The following NME5 variants were observed in gnomAD, a reference collection of about 807,000 sequenced individuals.
NME5 encodes the protein nucleoside diphosphate kinase 5.
NME5 carries 18 observed loss-of-function variants against 21.6 expected under a neutral mutation model. The ratio of observed to expected loss-of-function variants is 0.83; its 90% confidence interval spans 0.58 to 1.24. The LOEUF (loss-of-function observed/expected upper bound fraction) is 1.24, where lower values mean the gene tolerates loss of function less well. NME5 is among the 50% of genes most tolerant of loss of function. NME5 has a pLI of 0.00. For missense variants in NME5, 223 were observed against 255.4 expected (o/e 0.87, Z 0.86); for synonymous variants, 70 against 80.6 (o/e 0.87, Z 0.71).
chr5:138,138,682 A>AAT lies in NME5; in HGVS notation c.97_98dup (p.Ile34LeufsTer38). On this transcript the variant is annotated frameshift_variant, in exon 2 of 6. Coordinates refer to ENST00000265191, the MANE Select transcript of NME5 (RefSeq NM_003551.3). LOFTEE classifies it high-confidence loss of function. ...CAATGGTGAATCCGGATCTAAGAAT[A>AAT]ATATCTTGTATCTCCTCCTCTTTGT... 1 of 1,612,598 alleles carries AAT rather than the reference A, an allele frequency of 6.2e-7. No homozygotes were observed. The highest frequency in any genetic ancestry group is 8.5e-7 in the Non-Finnish European group (1 of 1,179,502).
Position 138,118,896 on chromosome 5 carries a change from G to C in NME5, c.477C>G (p.Asp159Glu). 1.9e-6 allele frequency: 3 copies of C among 1,613,108 alleles called. No individual in the cohort carries two copies. The highest frequency in any genetic ancestry group is 2.5e-6 in the Non-Finnish European group (3 of 1,179,178). The change falls in exon 5 of 6, where the codon GAC becomes GAG. Residue 159 changes from aspartate (D) to glutamate (E), a missense_variant. Transcript: ENST00000265191. ...TTGGCATTATATGTAAATTTAAATA[G>C]TCCTTAGCAGCTTGTCCAATTGGAA... ...EPIPIGQAAK[D>E]YLNLHIMPTL... is the part of the protein sequence containing the mutation.
intron 5 of NME5, chr5:138,116,782 C>T (rs1751166554): frequency 1.3e-5 from 2 of 153,760 alleles, no homozygotes; most frequent in South Asian, 4.1e-4. Flanking sequence ...GGAGAAAGAA[C>T]AGTCTCTTCA....
At chr5:138,124,237 A>T (rs1487317351) in intron 4 of NME5, among the ~76,000 whole-genome samples, 3 of 151,854 alleles carry the variant, frequency 2.0e-5, no homozygotes, top group African/African-American at 4.8e-5. Context: ...TCCTGACCTC[A>T]GGTGATCTGC....
At chr5:138,126,624 T>G (rs1021289916) in intron 4 of NME5, among the ~76,000 whole-genome samples, 19 of 150,948 alleles carry the variant, frequency 1.3e-4, no homozygotes, top group African/African-American at 4.4e-4. Context: ...CTATTTAAGA[T>G]AAAATGAAAT....
At position 138,115,621 on chromosome 5, in the gene NME5, T is replaced by A. The variant is rs891074354; in HGVS notation, c.*60A>T. On this transcript the variant is annotated 3_prime_UTR_variant, in exon 6 of 6. Transcript: ENST00000265191. Reference sequence around the variant, plus strand: ...CCCTAGAAATAATTTTTTCAAACAGTAGAAGTACAGCCTTTTATAATAAGA... The same window carrying A: ...CCCTAGAAATAATTTTTTCAAACAGAAGAAGTACAGCCTTTTATAATAAGA... The A allele has an allele frequency of 9.7e-7, 1 of 1,028,010 alleles. No individual in the cohort carries two copies. The highest frequency in any genetic ancestry group is 1.4e-6 in the Non-Finnish European group (1 of 708,184). The allele number at this position is 1,028,010 out of a possible 1,614,324, so 63.7% of individuals were successfully genotyped here. A position where few individuals can be genotyped will look rare whatever the true frequency, so the allele number is the denominator to read the frequency against.
rs534481100 is a variant in NME5 at position 138,138,995 on chromosome 5, C to A, written c.-5-210G>T. On this transcript the variant is annotated intron_variant, in intron 1 of 5. Coordinates refer to ENST00000265191, the MANE Select transcript of NME5 (RefSeq NM_003551.3). ...GATTCCTACTATGTCCAAATCGAGC[C>A]CCGGCTTTTCGTATACGATGTCACC... 6 of 428,230 alleles carry A rather than the reference C, an allele frequency of 1.4e-5. No homozygotes were observed. The South Asian group carries it at 1.9e-4, about 14-fold the overall frequency. The allele number at this position is 428,230 out of a possible 1,614,324, so 26.5% of individuals were successfully genotyped here. A position where few individuals can be genotyped will look rare whatever the true frequency, so the allele number is the denominator to read the frequency against.
intron 5 of NME5, among the ~76,000 whole-genome samples, chr5:138,118,282 C>T (rs929505596): frequency 7.3e-5 from 11 of 151,008 alleles, no homozygotes; most frequent in African/African-American, 1.9e-4. Context: ...CCCACCACCA[C>T]GCCCGGCTAA....
intron 2 of NME5, 196 bp downstream of exon 2, chr5:138,138,456 G>A (rs1375222062): frequency 2.1e-6 from 1 of 481,834 alleles, no homozygotes; most frequent in Non-Finnish European, 3.6e-6. Context: ...AAAGAGGACA[G>A]GTGAAGGAAA....
chr5:138,137,100 G>A (rs1317796750), intron 2 of NME5, among the ~76,000 whole-genome samples: 1 of 142,794 alleles, frequency 7.0e-6, no homozygotes, highest in African/African-American at 2.6e-5. Flanking sequence ...TAGATCTCAG[G>A]TTTATTTGGA....
chr5:138,121,660 C>A (rs1751288239), intron 4 of NME5, among the ~76,000 whole-genome samples: 1 of 152,090 alleles, frequency 6.6e-6, no homozygotes, highest in Admixed American at 6.6e-5. Context: ...ATATGTGTAT[C>A]TTTATATCAC....
At chr5:138,116,830 A>T (rs1379555675) in intron 5 of NME5, 2 of 153,772 alleles carry the variant, frequency 1.3e-5, no homozygotes, top group Non-Finnish European at 2.9e-5. Context: ...CCACATGCAA[A>T]TGAATAAAGT....
chr5:138,131,204 TAAAAAAAAAAAAA>T (rs762579967), intron 2 of NME5, among the ~76,000 whole-genome samples: 1 of 80,876 alleles, frequency 1.2e-5, no homozygotes, highest in Non-Finnish European at 2.2e-5. Flanking sequence ...CCGTCTCTGC[TAAAAAAAAAAAAA>T]AAAAAAAAAA....
chr5:138,135,220 A>G (rs187780120), intron 2 of NME5, among the ~76,000 whole-genome samples: 82 of 143,838 alleles, frequency 5.7e-4, no homozygotes, highest in Admixed American at 4.6e-3. Flanking sequence ...CGGGAGGCTG[A>G]GGCAGGAGAA....
intron 4 of NME5, among the ~76,000 whole-genome samples, chr5:138,126,682 T>C (rs1180450840): frequency 6.6e-6 from 1 of 152,036 alleles, no homozygotes; most frequent in African/African-American, 2.4e-5. Context: ...GCATGATGGT[T>C]CATGCCTATA....
intron 4 of NME5, among the ~76,000 whole-genome samples, chr5:138,120,675 G>C (rs894359556): frequency 6.6e-6 from 1 of 152,134 alleles, no homozygotes; most frequent in African/African-American, 2.4e-5. Context: ...CAGTTACAAA[G>C]ATTTTCTTGT....
At chr5:138,128,969 C>G (rs1396029249) in intron 3 of NME5, among the ~76,000 whole-genome samples, 1 of 152,014 alleles carries the variant, frequency 6.6e-6, no homozygotes, top group East Asian at 1.9e-4. Context: ...CCAATTTTTC[C>G]ATCTAAAAAT....
chr5:138,129,132 C>A (rs1751498663), intron 3 of NME5, 131 bp downstream of exon 3: 2 of 685,644 alleles, frequency 2.9e-6, no homozygotes, highest in Non-Finnish European at 4.9e-6. Context: ...CACCCTCTGC[C>A]CCCCAAAAAA....
chr5:138,138,527 T>C (rs1000036649), intron 2 of NME5, 125 bp downstream of exon 2: 3 of 778,660 alleles, frequency 3.9e-6, no homozygotes, highest in Admixed American at 6.1e-5. Context: ...CTTTTATACT[T>C]AGAAGAATAA....
intron 2 of NME5, among the ~76,000 whole-genome samples, chr5:138,132,149 C>T (rs1369649826): frequency 6.6e-6 from 1 of 152,266 alleles, no homozygotes; most frequent in Non-Finnish European, 1.5e-5. Flanking sequence ...TGCTTGAGTC[C>T]AGGAGTTCAA....
Sources: gnomAD v4.1 joint callset for allele counts (sites outside exome capture counted in the v4.1 genomes callset) on GRCh38, gnomAD v4.1.1 for gene constraint, MANE v1.5 for transcripts, NCBI Gene and HGNC (gene_info 2026-07-23, HGNC 2026-07-21) for gene names.